PCLO: variants seen among roughly 807,000 people sequenced by gnomAD.
PCLO encodes protein piccolo.
A neutral mutation model predicts 427.5 loss-of-function variants in PCLO; 82 were observed. That is an observed-to-expected ratio of 0.19 (90% CI 0.16 to 0.23). The LOEUF is 0.23. PCLO is among the 10% of genes least tolerant of loss of function. The pLI is 1.00. For missense variants in PCLO, 6,239 were observed against 6,115.9 expected, an observed-to-expected ratio of 1.02 and a Z score of -0.67; for synonymous variants, 2,357 against 2,155.4, an observed-to-expected ratio of 1.09 and a Z score of -2.59.
chr7:82,857,640 C>G (rs1032073962), intron 10 of PCLO, among the ~76,000 whole-genome samples: 6 of 151,892 alleles, frequency 4.0e-5, no homozygotes, highest in African/African-American at 1.5e-4. Context: ...ATAAAATACC[C>G]AGAAGTTTGC....
chr7:82,820,619 T>C (rs925940849), intron 20 of PCLO: 4 of 1,230,164 alleles, frequency 3.3e-6, no homozygotes, highest in Non-Finnish European at 4.1e-6. Flanking sequence ...TTTCACCATG[T>C]AAAGGTAAAT....
chr7:82,882,227 A>C (rs757702920), intron 9 of PCLO, among the ~76,000 whole-genome samples: 26 of 152,184 alleles, frequency 1.7e-4, no homozygotes, highest in South Asian at 6.2e-4. Flanking sequence ...TAAAAATCTA[A>C]CACCACTCCT....
intron 8 of PCLO, among the ~76,000 whole-genome samples, chr7:82,906,680 G>A (rs1794199874): frequency 6.6e-6 from 1 of 151,992 alleles, no homozygotes; most frequent in Admixed American, 6.6e-5. Flanking sequence ...ACATACAAGG[G>A]TTTCAGGGAC....
In PCLO at chr7:82,826,669, T is replaced by A; in HGVS notation, c.14344-9A>T. On this transcript the variant is annotated splice_polypyrimidine_tract_variant and intron_variant, in intron 17 of 24. Coordinates refer to ENST00000333891, the MANE Select transcript of PCLO (RefSeq NM_033026.6). The stretch of plus-strand genomic sequence containing the variant: ...AGTGTTTTCTTCTTGAGCTATATAG[T>A]TCAAATAGAAATCTAATTAAACCTA... The A allele has an allele frequency of 6.5e-7, 1 of 1,539,786 alleles. No individual in the cohort carries two copies. Among genetic ancestry groups the A allele is most frequent in the Non-Finnish European group, 8.9e-7 (1 of 1,124,062 alleles).
Position 82,954,391 on chromosome 7 carries a change from C to G in PCLO, c.6562G>C (p.Val2188Leu), listed in dbSNP as rs775601863. 3 of 1,613,860 alleles carry G rather than the reference C, an allele frequency of 1.9e-6. No homozygotes were observed. The highest frequency in any genetic ancestry group is 2.5e-6 in the Non-Finnish European group (3 of 1,179,852). The part of the protein sequence containing the change: ...PSDTPSLTSS[V>L]SSVCTTDSSS... ...CTATCTGTGGTACAGACCGAAGAAACAGATGATGTGAGAGAAGGTGTGTCA... is the reference window on the plus strand; with the variant it reads ...CTATCTGTGGTACAGACCGAAGAAAGAGATGATGTGAGAGAAGGTGTGTCA... Residue 2188 changes from valine to leucine, a missense_variant, in exon 5 of 25, where the codon GTT becomes CTT. Val to Leu is a conservative substitution (Grantham distance 32, BLOSUM62 1). Around this residue, in one of 5 missense-constraint regions of PCLO, gnomAD observed 4,677 missense variants for 4,468.4 expected, o/e 1.05. Coordinates refer to ENST00000333891, the MANE Select transcript of PCLO (RefSeq NM_033026.6).
At position 82,954,973 on chromosome 7, in the gene PCLO, T is replaced by C. The variant is rs1307027740; in HGVS notation, c.5980A>G (p.Arg1994Gly). Residue 1994 changes from arginine to glycine, a missense_variant, in exon 5 of 25, where the codon AGA (arginine) becomes GGA (glycine). Transcript: ENST00000333891. ...TCTTCATAAATCTGTTCTGAAAGTC[T>C]TATCTTTTGCTCTCTTCCTTTCTGC... ...MQQKGREQKI[R>G]LSEQIYEDPM... 1 of 1,613,868 alleles carries C rather than the reference T, an allele frequency of 6.2e-7. No individual in the cohort carries two copies. Among genetic ancestry groups the C allele is most frequent in the Non-Finnish European group, 8.5e-7 (1 of 1,179,876 alleles).
At chr7:82,780,580 C>G (rs1319080623) in intron 22 of PCLO, among the ~76,000 whole-genome samples, 1 of 152,212 alleles carries the variant, frequency 6.6e-6, no homozygotes, top group African/African-American at 2.4e-5. Flanking sequence ...AGGAGTCTCG[C>G]TCTGTCGCCC....
chr7:83,013,396 T>C (rs115952124), intron 3 of PCLO, among the ~76,000 whole-genome samples: 656 of 152,294 alleles, frequency 4.3e-3, no homozygotes, highest in African/African-American at 0.015. Flanking sequence ...TTAACCTCTA[T>C]ATATCTGAGT....
intron 3 of PCLO, among the ~76,000 whole-genome samples, chr7:83,071,123 C>T (rs1349889135): frequency 6.6e-6 from 1 of 151,922 alleles, no homozygotes; most frequent in Non-Finnish European, 1.5e-5. Flanking sequence ...TATATTCACA[C>T]TGTTGTGCAG....
rs1795289949 is a variant in PCLO at position 82,949,789 on chromosome 7, T to C, written c.10799A>G (p.Tyr3600Cys). 3 of 1,613,842 alleles carry C rather than the reference T, an allele frequency of 1.9e-6. No individual in the cohort carries two copies. The highest frequency in any genetic ancestry group is 2.5e-6 in the Non-Finnish European group (3 of 1,179,842). ...KKRPTPLEIG[Y>C]SSHLRADSTV... The stretch of plus-strand genomic sequence containing the variant: ...GGAATCTGCCCGGAGGTGAGATGAA[T>C]AACCAATCTCTAAAGGTGTTGGGCG... The change falls in exon 6 of 25, where the codon TAT becomes TGT. Residue 3600 changes from tyrosine to cysteine, a missense_variant. Around this residue, in one of 5 missense-constraint regions of PCLO, gnomAD observed 4,677 missense variants for 4,468.4 expected, o/e 1.05. Transcript: ENST00000333891.
chr7:83,107,277 A>G (rs6970566), intron 3 of PCLO, among the ~76,000 whole-genome samples: 70,335 of 151,904 alleles, frequency 0.46, 16,699 homozygotes, highest in East Asian at 0.71. Context: ...CTCTATTTAC[A>G]TTTTCTATGT....
intron 10 of PCLO, among the ~76,000 whole-genome samples, chr7:82,871,779 G>A (rs2115993029): frequency 6.6e-6 from 1 of 151,940 alleles, no homozygotes; most frequent in East Asian, 1.9e-4. Context: ...AGCCCCTCAG[G>A]AGCTGAGCCA....
intron 3 of PCLO, among the ~76,000 whole-genome samples, chr7:83,036,835 C>T (rs942088668): frequency 1.3e-5 from 2 of 152,094 alleles, no homozygotes; most frequent in Admixed American, 6.6e-5. Context: ...TTCCATCTGA[C>T]CCCTACTGAT....
intron 3 of PCLO, among the ~76,000 whole-genome samples, chr7:83,069,799 C>CA (rs1554390633): frequency 2.6e-5 from 2 of 75,514 alleles, no homozygotes; most frequent in Admixed American, 1.8e-4. Context: ...ACCCCCCCGC[C>CA]CACACACACA....
intron 3 of PCLO, among the ~76,000 whole-genome samples, chr7:83,006,680 A>C (rs1455254504): frequency 6.6e-6 from 1 of 151,516 alleles, no homozygotes; most frequent in Non-Finnish European, 1.5e-5. Flanking sequence ...TGTATACTTG[A>C]ATTTCATAAT....
chr7:82,830,898 G>A lies in PCLO; in HGVS notation c.14250-2932C>T, dbSNP rs147529461. Among the ~76,000 whole-genome samples, 319 of 151,908 alleles carry A rather than the reference G, an allele frequency of 2.1e-3. 6 individuals carry two copies. The highest frequency in any genetic ancestry group is 6.8e-3 in the African/African-American group (284 of 41,498). ...TTCAAATTTTTCAAATCCACATTTA[G>A]TCTTTTTTTCACTTATACACCTAGC... On this transcript the variant is annotated intron_variant, in intron 16 of 24. Transcript: ENST00000333891.
chr7:83,121,163 T>C (rs1298054742), intron 3 of PCLO, among the ~76,000 whole-genome samples: 1 of 149,176 alleles, frequency 6.7e-6, no homozygotes, highest in Non-Finnish European at 1.5e-5. Flanking sequence ...AAAAAACTTT[T>C]GTAAAGATAC....
chr7:83,055,001 A>T (rs1486043656), intron 3 of PCLO, among the ~76,000 whole-genome samples: 7 of 152,088 alleles, frequency 4.6e-5, no homozygotes, highest in Non-Finnish European at 1.0e-4. Context: ...AAATGCCTAA[A>T]TTAGAGCCAT....
chr7:83,009,054 A>AC (rs1788016232), intron 3 of PCLO, among the ~76,000 whole-genome samples: 1 of 151,628 alleles, frequency 6.6e-6, no homozygotes, highest in South Asian at 2.1e-4. Context: ...AAATTACCTA[A>AC]ACCTTAATTC....
Sources: allele counts gnomAD v4.1 joint callset (sites outside exome capture counted in the v4.1 genomes callset), GRCh38; gene constraint gnomAD v4.1.1; regional missense constraint gnomAD v4.1.1; transcripts MANE v1.5; gene names NCBI Gene and HGNC (gene_info 2026-07-23, HGNC 2026-07-21).